Variants in CACNA1C observed in about 807,000 individuals in gnomAD.
The protein encoded by CACNA1C is voltage-dependent L-type calcium channel subunit alpha-1C.
In CACNA1C, 30 loss-of-function variants were observed where a neutral mutation model predicts 229.0. That is an observed-to-expected ratio of 0.13 (90% CI 0.10 to 0.18). The LOEUF is 0.18. Among genes scored for constraint, CACNA1C ranks in the 10% least tolerant of loss-of-function variants. The probability of loss-of-function intolerance (pLI) is 1.00; values close to 1 mark genes in which losing one functional copy is unlikely to be tolerated. For missense variants in CACNA1C, 1,658 were observed against 2,845.0 expected, an observed-to-expected ratio of 0.58 and a Z score of 9.49; for synonymous variants, 1,114 against 1,132.5, an observed-to-expected ratio of 0.98 and a Z score of 0.33.
intron 3 of CACNA1C, among the ~76,000 whole-genome samples, chr12:2,170,742 C>G (rs975150190): frequency 1.3e-5 from 2 of 152,220 alleles, no homozygotes; most frequent in African/African-American, 2.4e-5. Flanking sequence ...TCTTTCCTCT[C>G]CCACGTTCAC....
chr12:2,663,006 G>A (rs1030834038), intron 34 of CACNA1C, among the ~76,000 whole-genome samples: 1 of 152,096 alleles, frequency 6.6e-6, no homozygotes, highest in African/African-American at 2.4e-5. Context: ...AAGTTATTGC[G>A]GAAAAACAAA....
At chr12:2,577,189 C>T (rs967460570) in intron 13 of CACNA1C, among the ~76,000 whole-genome samples, 2 of 150,256 alleles carry the variant, frequency 1.3e-5, no homozygotes, top group African/African-American at 5.0e-5. Context: ...AACCATATCT[C>T]TGTCTGTCTG....
intron 4 of CACNA1C, among the ~76,000 whole-genome samples, chr12:2,453,193 TGCC>T (rs1236703667): frequency 1.2e-4 from 19 of 152,146 alleles, no homozygotes; most frequent in Non-Finnish European, 2.4e-4. Context: ...AGCCAGTCTG[TGCC>T]TGGGGGCCTC....
In CACNA1C at chr12:2,602,407, G is replaced by GTATA. The variant is rs1371460882; in HGVS notation, c.2960+453_2960+456dup. ...TGTATGAGTGTATGTGTGAATGTGT[G>GTATA]TATATATATGTCTGTGTAAGTGTGG... On this transcript the variant is annotated intron_variant, in intron 22 of 46. Transcript: ENST00000399655. The surrounding 1 kb of genome is among the most constrained non-coding windows in gnomAD (Gnocchi z 4.4). Among the ~76,000 whole-genome samples, 1 of 152,012 alleles carries GTATA rather than the reference G, an allele frequency of 6.6e-6. No homozygotes were observed. Among genetic ancestry groups the GTATA allele is most frequent in the Non-Finnish European group, 1.5e-5 (1 of 68,014 alleles).
At chr12:2,026,431 G>C (rs1024207880) in intron 1 of CACNA1C, among the ~76,000 whole-genome samples, 5 of 152,206 alleles carry the variant, frequency 3.3e-5, no homozygotes, top group African/African-American at 1.2e-4. Flanking sequence ...CCTCAAGTCA[G>C]ATGGATCAGT....
chr12:2,105,534 A>G (rs2077924167), intron 1 of CACNA1C, among the ~76,000 whole-genome samples: 1 of 152,218 alleles, frequency 6.6e-6, no homozygotes, highest in African/African-American at 2.4e-5. Flanking sequence ...AAGCGCAGTC[A>G]GATGCGGCAT....
At chr12:2,035,259 G>C (rs1340561654) in intron 1 of CACNA1C, among the ~76,000 whole-genome samples, 1 of 152,218 alleles carries the variant, frequency 6.6e-6, no homozygotes, top group Non-Finnish European at 1.5e-5. Context: ...ATTTGCACCT[G>C]GCCGGAGCCA....
chr12:2,015,798 G>GT (rs2045268204), intron 1 of CACNA1C, among the ~76,000 whole-genome samples: 1 of 152,202 alleles, frequency 6.6e-6, no homozygotes, highest in African/African-American at 2.4e-5. Flanking sequence ...CTCTCAGCTA[G>GT]TATGGTACTT....
rs1244017854 is a variant in CACNA1C at position 2,215,646 on chromosome 12, T to G, written c.477+95216T>G. On this transcript the variant is annotated intron_variant, in intron 3 of 46. Transcript: ENST00000399655. The surrounding 1 kb of genome is among the most constrained non-coding windows in gnomAD (Gnocchi z 5.0). ...TGGAGGATCAGGATGTCCCAGCCCT[T>G]CAGGGACAGGCTCCAGGGTAGGCCT... Among the ~76,000 whole-genome samples, 1 of 152,208 alleles carries G rather than the reference T, an allele frequency of 6.6e-6. No homozygotes were observed. The highest frequency in any genetic ancestry group is 1.5e-5 in the Non-Finnish European group (1 of 68,038).
chr12:2,364,361 T>A (rs2097664030), intron 3 of CACNA1C, among the ~76,000 whole-genome samples: 1 of 152,156 alleles, frequency 6.6e-6, no homozygotes, highest in African/African-American at 2.4e-5. Context: ...ACACCTTGTT[T>A]GAAAGGTGCA....
At chr12:2,101,116 A>G (rs2076256737) in intron 1 of CACNA1C, among the ~76,000 whole-genome samples, 1 of 151,846 alleles carries the variant, frequency 6.6e-6, no homozygotes, top group Admixed American at 6.6e-5. Flanking sequence ...ATTATTTCAT[A>G]TTTTTCAAAA....
intron 3 of CACNA1C, among the ~76,000 whole-genome samples, chr12:2,388,028 T>C (rs1411569029): frequency 6.6e-6 from 1 of 151,830 alleles, no homozygotes; most frequent in Non-Finnish European, 1.5e-5. Flanking sequence ...CTGCAATGGA[T>C]AGAAGGGAGG....
At chr12:2,246,750 TCTC>T (rs1406846005) in intron 3 of CACNA1C, among the ~76,000 whole-genome samples, 1 of 152,174 alleles carries the variant, frequency 6.6e-6, no homozygotes, top group Admixed American at 6.5e-5. Context: ...AGGAAGCTTT[TCTC>T]CTGGTCCACA....
intron 3 of CACNA1C, among the ~76,000 whole-genome samples, chr12:2,163,523 C>T (rs573350039): frequency 6.6e-6 from 1 of 152,230 alleles, no homozygotes; most frequent in East Asian, 1.9e-4. Flanking sequence ...TCTTACCACC[C>T]CCTGGTGGGT....
At chr12:2,572,572 CT>C (rs2056109061) in intron 13 of CACNA1C, among the ~76,000 whole-genome samples, 1 of 96,490 alleles carries the variant, frequency 1.0e-5, no homozygotes, top group Non-Finnish European at 2.1e-5. Flanking sequence ...TCTCCTCCTC[CT>C]TCTCCTCTCC....
chr12:2,358,672 C>A (rs2154529811), intron 3 of CACNA1C, among the ~76,000 whole-genome samples: 1 of 152,316 alleles, frequency 6.6e-6, no homozygotes, highest in East Asian at 1.9e-4. Flanking sequence ...ACTGCACAAT[C>A]CAGGTTAACC....
In CACNA1C at chr12:2,556,960, C is replaced by T. The variant is rs750329281; in HGVS notation, c.1491C>T (p.Ile497=). 3.7e-6 allele frequency: 6 copies of T among 1,613,008 alleles called. No individual in the cohort carries two copies. The highest frequency in any genetic ancestry group is 5.1e-6 in the Non-Finnish European group (6 of 1,178,984). Residue 497 remains isoleucine, a synonymous_variant, in exon 11 of 47, where the codon ATC becomes ATT. Transcript: ENST00000399655. ...ENCGARLAHR[I]SKSKFSRYWR... Reference sequence around the variant, plus strand: ...CCTTTTTCTTTTTCAGCCACCGGATCTCCAAGTCAAAGTTCAGGTGAGTGA... The same window carrying T: ...CCTTTTTCTTTTTCAGCCACCGGATTTCCAAGTCAAAGTTCAGGTGAGTGA...
At chr12:2,458,786 A>G (rs1056269060) in intron 5 of CACNA1C, among the ~76,000 whole-genome samples, 1 of 152,116 alleles carries the variant, frequency 6.6e-6, no homozygotes, top group African/African-American at 2.4e-5. Flanking sequence ...GGGACTTTAT[A>G]TTAACCAGTT....
intron 37 of CACNA1C, among the ~76,000 whole-genome samples, chr12:2,668,129 T>TCTC (rs10657733): frequency 4.0e-5 from 1 of 25,038 alleles, no homozygotes; most frequent in African/African-American, 5.0e-5. Flanking sequence ...TCCTTTCTCT[T>TCTC]CTCTGGGCTG....
Sources: allele counts gnomAD v4.1 joint callset (sites outside exome capture counted in the v4.1 genomes callset), GRCh38; gene constraint gnomAD v4.1.1; non-coding constraint Gnocchi (gnomAD v3.1); transcripts MANE v1.5; gene names NCBI Gene and HGNC (gene_info 2026-07-23, HGNC 2026-07-21).